The following FBXW8 variants were observed in gnomAD, a reference collection of about 807,000 sequenced individuals.
The protein encoded by FBXW8 is F-box/WD repeat-containing protein 8.
FBXW8 carries 57 observed loss-of-function variants against 65.3 expected under a neutral mutation model. That is an observed-to-expected ratio of 0.87 (90% CI 0.71 to 1.09). The LOEUF (loss-of-function observed/expected upper bound fraction) is 1.09. FBXW8 is among the 50% of genes least tolerant of loss of function. FBXW8 has a pLI of 0.00. For missense variants in FBXW8, 777 were observed against 814.8 expected, an observed-to-expected ratio of 0.95 and a Z score of 0.57; for synonymous variants, 308 against 330.2, an observed-to-expected ratio of 0.93 and a Z score of 0.73.
chr12:116,946,604 G>C (rs4077519), intron 3 of FBXW8, among the ~76,000 whole-genome samples: 102,674 of 151,932 alleles, frequency 0.68, 39,652 homozygotes, highest in Non-Finnish European at 0.84. Flanking sequence ...TCCCCTCCCA[G>C]TCGAGAACCA....
chr12:117,021,240 CAT>C (rs775575923), intron 8 of FBXW8, among the ~76,000 whole-genome samples: 5 of 152,240 alleles, frequency 3.3e-5, no homozygotes, highest in South Asian at 2.1e-4. Context: ...ACATCTTACA[CAT>C]GTTTAAAAGC....
intron 1 of FBXW8, among the ~76,000 whole-genome samples, chr12:116,925,322 C>G (rs1179914904): frequency 6.6e-6 from 1 of 152,122 alleles, no homozygotes; most frequent in Non-Finnish European, 1.5e-5. Context: ...TGTGAGTCAA[C>G]AGCAGGCAGC....
intron 1 of FBXW8, among the ~76,000 whole-genome samples, chr12:116,924,484 A>T (rs1881171145): frequency 6.6e-6 from 1 of 152,200 alleles, no homozygotes; most frequent in Non-Finnish European, 1.5e-5. Flanking sequence ...GTTGTGAATT[A>T]TAGTCAACCT....
At chr12:117,004,618 C>T (rs1953632549) in intron 7 of FBXW8, among the ~76,000 whole-genome samples, 1 of 152,240 alleles carries the variant, frequency 6.6e-6, no homozygotes, top group Admixed American at 6.5e-5. Flanking sequence ...GACTGTTTTC[C>T]ACCCCGAACT....
At chr12:116,938,062 C>T (rs1341399354) in intron 2 of FBXW8, among the ~76,000 whole-genome samples, 1 of 152,030 alleles carries the variant, frequency 6.6e-6, no homozygotes, top group Non-Finnish European at 1.5e-5. Context: ...CTTAAGGAAT[C>T]AAAACAATTA....
intron 1 of FBXW8, among the ~76,000 whole-genome samples, chr12:116,916,477 C>T (rs1210778749): frequency 1.3e-5 from 2 of 152,126 alleles, no homozygotes; most frequent in African/African-American, 4.8e-5. Flanking sequence ...AGGGTAATAA[C>T]CACTGCCCCC....
chr12:116,945,605 C>G, intron 3 of FBXW8, 77 bp downstream of exon 3: 1 of 1,457,104 alleles, frequency 6.9e-7, no homozygotes, highest in Non-Finnish European at 9.4e-7. Flanking sequence ...CACTCATAGC[C>G]TGAGATTAAT....
intron 4 of FBXW8, among the ~76,000 whole-genome samples, chr12:116,952,279 C>A (rs370220650): frequency 5.3e-5 from 8 of 152,318 alleles, no homozygotes; most frequent in African/African-American, 1.9e-4. Context: ...GATGTTTGCA[C>A]AAATGATAAA....
intron 2 of FBXW8, among the ~76,000 whole-genome samples, chr12:116,931,311 A>G (rs542702089): frequency 2.0e-5 from 3 of 152,116 alleles, no homozygotes; most frequent in Non-Finnish European, 4.4e-5. Flanking sequence ...GAAATGAGGT[A>G]TTGTGATGCC....
intron 2 of FBXW8, among the ~76,000 whole-genome samples, chr12:116,935,555 C>T (rs1351462153): frequency 1.3e-5 from 2 of 152,198 alleles, no homozygotes; most frequent in Non-Finnish European, 2.9e-5. Context: ...ACCCAAGTGC[C>T]CTCAGGAGTT....
intron 8 of FBXW8, among the ~76,000 whole-genome samples, chr12:117,013,447 G>A (rs1953873375): frequency 1.3e-5 from 2 of 151,864 alleles, no homozygotes; most frequent in Admixed American, 6.6e-5. Flanking sequence ...GGCATATTTT[G>A]TCTCTTCTCG....
At chr12:117,022,042 G>A (rs1025258674) in intron 8 of FBXW8, among the ~76,000 whole-genome samples, 1 of 152,198 alleles carries the variant, frequency 6.6e-6, no homozygotes, top group African/African-American at 2.4e-5. Context: ...TGGCTTCATG[G>A]AGAATTTGGA....
chr12:117,014,301 C>G (rs1216240621), intron 8 of FBXW8, among the ~76,000 whole-genome samples: 1 of 152,070 alleles, frequency 6.6e-6, no homozygotes, highest in Non-Finnish European at 1.5e-5. Context: ...TATATAGTTT[C>G]TGTGTCTCTG....
At chr12:116,925,719 C>G (rs1358282856) in intron 1 of FBXW8, among the ~76,000 whole-genome samples, 2 of 152,026 alleles carry the variant, frequency 1.3e-5, no homozygotes, top group Non-Finnish European at 2.9e-5. Flanking sequence ...CAGTGGTTGC[C>G]CTTCAGAACT....
rs556861969 is a variant in FBXW8 at position 116,999,613 on chromosome 12, C to T, written c.1240-10710C>T. ...ACCTGTCCACCTGTCAGTGCCCCTC[C>T]TCACGGTCCACTTCAGGTTTTCTCA... On this transcript the variant is annotated intron_variant, in intron 7 of 10. Transcript: ENST00000652555. Among the ~76,000 whole-genome samples, 53 of 151,348 alleles carry T rather than the reference C, an allele frequency of 3.5e-4. No homozygotes were observed. The South Asian group carries it at 0.01, about 29-fold the overall frequency.
intron 6 of FBXW8, chr12:116,986,625 CA>C (rs570226579): frequency 2.0e-3 from 250 of 123,762 alleles, no homozygotes; most frequent in African/African-American, 2.0e-3. Flanking sequence ...GACTCCGTCT[CA>C]AAAAAAAAAA....
At chr12:116,988,043 A>C (rs907963848) in intron 6 of FBXW8, among the ~76,000 whole-genome samples, 6 of 152,210 alleles carry the variant, frequency 3.9e-5, no homozygotes, top group Admixed American at 2.0e-4. Flanking sequence ...GCTTCCCTCT[A>C]GGACTGCATG....
chr12:117,005,353 C>T (rs915683558), intron 7 of FBXW8, among the ~76,000 whole-genome samples: 2 of 152,170 alleles, frequency 1.3e-5, no homozygotes, highest in African/African-American at 2.4e-5. Flanking sequence ...TGACACTGTA[C>T]CTGGCATGTA....
At chr12:116,976,543 C>T (rs1461323613) in intron 5 of FBXW8, among the ~76,000 whole-genome samples, 2 of 150,054 alleles carry the variant, frequency 1.3e-5, no homozygotes, top group Non-Finnish European at 3.0e-5. Context: ...GCAACCTCCA[C>T]CTCCCAGGTT....
Sources: gnomAD v4.1 joint callset for allele counts (sites outside exome capture counted in the v4.1 genomes callset) on GRCh38, gnomAD v4.1.1 for gene constraint, MANE v1.5 for transcripts, NCBI Gene and HGNC (gene_info 2026-07-23, HGNC 2026-07-21) for gene names.